The following OXR1 variants were observed in gnomAD, a reference collection of about 807,000 sequenced individuals.
The protein encoded by OXR1 is oxidation resistance 1.
Under a neutral mutation model 104.6 loss-of-function variants are expected in OXR1, and 41 were observed. The ratio of observed to expected loss-of-function variants is 0.39; its 90% confidence interval spans 0.31 to 0.51. OXR1 has a LOEUF of 0.51. Ranked by LOEUF, OXR1 falls within the 20% of genes least tolerant of loss-of-function variation. The pLI, the probability that OXR1 is intolerant of heterozygous loss-of-function variation, is 0.77. For missense variants in OXR1, 955 were observed against 1,031.9 expected (o/e 0.93, Z 1.02); for synonymous variants, 348 against 348.4 (o/e 1.00, Z 0.01).
Position 106,737,586 on chromosome 8 carries a change from T to C in OXR1, c.2023T>C (p.Cys675Arg). ...ALNTEELRTLCRRLQITTRED... is the reference protein window; with the variant it reads ...ALNTEELRTLRRRLQITTRED... Reference sequence around the variant, plus strand: ...AAATACTGAAGAACTGCGCACACTCTGCAGACGCCTCCAGGTGCCCCCTTC... The same window carrying C: ...AAATACTGAAGAACTGCGCACACTCCGCAGACGCCTCCAGGTGCCCCCTTC... The change falls in exon 12 of 17, where the codon TGC (cysteine) becomes CGC (arginine). Residue 675 changes from cysteine (C) to arginine (R), a missense_variant. By Grantham distance (180) the Cys-to-Arg change is radical (BLOSUM62 -3). This residue lies in a region of OXR1 where 849 missense variants were observed against 852.9 expected (regional missense o/e 1.00). Transcript: ENST00000517566. 7.1e-7 allele frequency: 1 copy of C among 1,406,208 alleles called. No individual in the cohort carries two copies. The highest frequency in any genetic ancestry group is 9.3e-7 in the Non-Finnish European group (1 of 1,070,322). 87.1% of individuals were successfully genotyped at this position (1,406,208 alleles called of 1,614,324 possible). A position where few individuals can be genotyped will look rare whatever the true frequency, so the allele number is the denominator to read the frequency against.
intron 2 of OXR1, among the ~76,000 whole-genome samples, chr8:106,502,583 G>A (rs1321243655): frequency 6.6e-6 from 1 of 152,120 alleles, no homozygotes; most frequent in African/African-American, 2.4e-5. Context: ...CAACTCAAAT[G>A]TCTGCTCTTT....
chr8:106,364,928 C>T (rs1292343639), intron 2 of OXR1, among the ~76,000 whole-genome samples: 1 of 152,118 alleles, frequency 6.6e-6, no homozygotes, highest in Non-Finnish European at 1.5e-5. Context: ...ATTGCAGGCT[C>T]TCAGGGACAA....
intron 2 of OXR1, among the ~76,000 whole-genome samples, chr8:106,449,728 A>G (rs566566845): frequency 5.9e-5 from 9 of 152,326 alleles, no homozygotes; most frequent in African/African-American, 1.7e-4. Context: ...TATTCAAATT[A>G]CAAAATATGT....
chr8:106,617,671 A>T (rs1821355978), intron 3 of OXR1, among the ~76,000 whole-genome samples: 1 of 152,234 alleles, frequency 6.6e-6, no homozygotes, highest in South Asian at 2.1e-4. Context: ...CAGTATTTAC[A>T]TATCTATAAA....
At chr8:106,527,020 T>TAAAG (rs1813738823) in intron 3 of OXR1, among the ~76,000 whole-genome samples, 1 of 152,214 alleles carries the variant, frequency 6.6e-6, no homozygotes, top group Non-Finnish European at 1.5e-5. Flanking sequence ...GGTGAGGAAC[T>TAAAG]TGGCCTTGAG....
intron 3 of OXR1, among the ~76,000 whole-genome samples, chr8:106,605,544 CA>C (rs1305700542): frequency 6.6e-6 from 1 of 151,544 alleles, no homozygotes; most frequent in Non-Finnish European, 1.5e-5. Context: ...CCTGTAATTC[CA>C]GCACTTTTGG....
intron 3 of OXR1, chr8:106,657,946 G>C (rs1214963105): frequency 8.0e-7 from 1 of 1,247,792 alleles, no homozygotes. Context: ...CGAAACCGTC[G>C]ACCTCCTGGG....
chr8:106,746,277 A>C (rs1226667732), intron 16 of OXR1, among the ~76,000 whole-genome samples: 2 of 5,360 alleles, frequency 3.7e-4, no homozygotes, highest in Admixed American at 2.6e-3. Context: ...ATTTGGAATG[A>C]TATTTTAGAC....
At chr8:106,408,936 G>T (rs1010606299) in intron 2 of OXR1, among the ~76,000 whole-genome samples, 1 of 152,156 alleles carries the variant, frequency 6.6e-6, no homozygotes, top group Non-Finnish European at 1.5e-5. Context: ...TTCAGGGAAC[G>T]TCAGGCACGC....
At chr8:106,390,751 A>C (rs886742097) in intron 2 of OXR1, among the ~76,000 whole-genome samples, 1 of 152,188 alleles carries the variant, frequency 6.6e-6, no homozygotes, top group Non-Finnish European at 1.5e-5. Context: ...ATAATAGTAA[A>C]ATAATTTATA....
intron 3 of OXR1, among the ~76,000 whole-genome samples, chr8:106,551,652 G>A (rs1318666543): frequency 6.6e-6 from 1 of 151,718 alleles, no homozygotes. Flanking sequence ...ATTTGACTTA[G>A]AAGGAGTGGG....
chr8:106,573,883 G>A (rs1243992883), intron 3 of OXR1, among the ~76,000 whole-genome samples: 1 of 151,440 alleles, frequency 6.6e-6, no homozygotes, highest in African/African-American at 2.4e-5. Context: ...TTGATTCTGG[G>A]CCATGTGGCA....
intron 2 of OXR1, among the ~76,000 whole-genome samples, chr8:106,385,785 T>C (rs1022406526): frequency 3.3e-5 from 5 of 152,188 alleles, no homozygotes; most frequent in African/African-American, 1.2e-4. Context: ...TTGTTCATTA[T>C]GTGGGGAGTC....
At chr8:106,412,892 C>T (rs778504589) in intron 2 of OXR1, among the ~76,000 whole-genome samples, 4 of 151,742 alleles carry the variant, frequency 2.6e-5, no homozygotes, top group Non-Finnish European at 4.4e-5. Context: ...CTTCTATAAT[C>T]CTATTTATTT....
At chr8:106,350,617 T>A (rs1815683629) in intron 1 of OXR1, among the ~76,000 whole-genome samples, 1 of 152,208 alleles carries the variant, frequency 6.6e-6, no homozygotes, top group Non-Finnish European at 1.5e-5. Context: ...TCTCCAAGGT[T>A]ACCATCTGTG....
At position 106,712,055 on chromosome 8, in the gene OXR1, T is replaced by TC. The variant is rs530357632; in HGVS notation, c.1793+1266dup. ...TTTCATTGAAAGGATGAGATAGGAC[T>TC]CAGCATCAGTTCTGCCTCTCCCTTT... On this transcript the variant is annotated intron_variant, in intron 10 of 16. Transcript: ENST00000517566. Among the ~76,000 whole-genome samples the TC allele has an allele frequency of 3.2e-4, 48 of 152,244 alleles. No individual in the cohort carries two copies. The East Asian group carries it at 8.9e-3, about 28-fold the overall frequency.
intron 2 of OXR1, among the ~76,000 whole-genome samples, chr8:106,440,834 G>A (rs1489577586): frequency 6.6e-6 from 1 of 152,076 alleles, no homozygotes; most frequent in Non-Finnish European, 1.5e-5. Context: ...AGTATAGCAT[G>A]TTAACCTAGA....
intron 2 of OXR1, among the ~76,000 whole-genome samples, chr8:106,401,544 G>A (rs546583601): frequency 6.6e-6 from 1 of 152,134 alleles, no homozygotes; most frequent in Non-Finnish European, 1.5e-5. Context: ...GTAGGGGTCT[G>A]ACAAAGGCCT....
chr8:106,582,804 G>A (rs1032586803), intron 3 of OXR1, among the ~76,000 whole-genome samples: 14 of 152,192 alleles, frequency 9.2e-5, no homozygotes, highest in African/African-American at 3.4e-4. Flanking sequence ...TAAGACTTTG[G>A]AGAAGCATCT....
Sources: allele counts gnomAD v4.1 joint callset (sites outside exome capture counted in the v4.1 genomes callset), GRCh38; gene constraint gnomAD v4.1.1; regional missense constraint gnomAD v4.1.1; transcripts MANE v1.5; gene names NCBI Gene and HGNC (gene_info 2026-07-23, HGNC 2026-07-21).